Variants in CELF2 observed in about 807,000 individuals in gnomAD.
CELF2 encodes CUG triplet repeat RNA-binding protein 2.
Under a neutral mutation model 62.6 loss-of-function variants are expected in CELF2, and 8 were observed. The ratio of observed to expected loss-of-function variants is 0.13; its 90% CI spans 0.07 to 0.23. CELF2 has a LOEUF of 0.23. Ranked by LOEUF, CELF2 falls within the 10% of genes least tolerant of loss-of-function variation. CELF2 has a pLI of 1.00. For missense variants in CELF2, 333 were observed against 671.0 expected, an observed-to-expected ratio of 0.50 and a Z score of 5.56; for synonymous variants, 258 against 250.0, an observed-to-expected ratio of 1.03 and a Z score of -0.30.
At chr10:10,814,214 T>TAAAAAA (rs759524110) in intron 1 of CELF2, among the ~76,000 whole-genome samples, 618 of 44,420 alleles carry the variant, frequency 0.014, 72 homozygotes, top group Non-Finnish European at 0.017. Flanking sequence ...AGAAGAGTCC[T>TAAAAAA]AAAAAAAAAA....
At chr10:10,612,590 G>A in the CELF2 span, among the ~76,000 whole-genome samples, 2 of 152,214 alleles carry the variant, frequency 1.3e-5, no homozygotes, top group Admixed American at 1.3e-4. Context: ...CAGGGAGGTA[G>A]AAGGAAGTTG....
chr10:10,851,516 G>A (rs2132808494), intron 1 of CELF2, among the ~76,000 whole-genome samples: 1 of 152,274 alleles, frequency 6.6e-6, no homozygotes, highest in South Asian at 2.1e-4. Flanking sequence ...GAAAATGTTT[G>A]TGACCTTGTG....
the CELF2 span, among the ~76,000 whole-genome samples, chr10:10,779,879 C>A: frequency 1.3e-5 from 2 of 151,178 alleles, no homozygotes; most frequent in African/African-American, 4.9e-5. Flanking sequence ...AAACTTTAAA[C>A]TTTCTAGGTG....
Position 11,156,403 on chromosome 10 carries a change from C to T in CELF2, c.75-9083C>T, listed in dbSNP as rs1199865365. Among the ~76,000 whole-genome samples, 3 of 152,128 alleles carry T rather than the reference C, an allele frequency of 2.0e-5. No homozygotes were observed. The highest frequency in any genetic ancestry group is 4.8e-5 in the African/African-American group (2 of 41,424). On this transcript the variant is annotated intron_variant, in intron 1 of 12. Coordinates refer to ENST00000633077, the MANE Select transcript of CELF2 (RefSeq NM_001326342.2). This position sits in a 1 kb window ranked among gnomAD's most constrained non-coding sequence, Gnocchi z 4.3. ...GAGGATGTGCTGAGACCATCCTCAC[C>T]GTCCAGACGAGGCCTTCCCTGACCA...
At chr10:10,962,102 G>T (rs1214535602) in intron 2 of CELF2, among the ~76,000 whole-genome samples, 1 of 151,768 alleles carries the variant, frequency 6.6e-6, no homozygotes, top group Non-Finnish European at 1.5e-5. Context: ...AGGGAGGAGG[G>T]AGAGAAAGAA....
At chr10:11,095,247 A>G (rs939148410) in intron 1 of CELF2, among the ~76,000 whole-genome samples, 3 of 152,224 alleles carry the variant, frequency 2.0e-5, no homozygotes, top group East Asian at 1.9e-4. Flanking sequence ...AAGCATGCAC[A>G]TGTAACACAC....
At position 11,010,287 on chromosome 10, in the gene CELF2, C is replaced by A. The variant is rs201123; in HGVS notation, c.53+4847C>A. 0.24 allele frequency: 35,773 copies of A among 152,138 alleles called. 7,707 individuals carry two copies. The highest frequency in any genetic ancestry group is 0.58 in the African/African-American group (23,857 of 41,414). The allele number at this position is 152,138 out of a possible 1,614,324, so 9.4% of individuals were successfully genotyped here. ...ATTCCAAGCCTCAGGATGTTCGGTG[C>A]CTGCTCTCCAGAAACGATAACCTCC... is the stretch of plus-strand genomic sequence containing the variant. On this transcript the variant is annotated intron_variant, in intron 1 of 12. Coordinates refer to the CELF2 transcript ENST00000416382. This position sits in a 1 kb window ranked among gnomAD's most constrained non-coding sequence, Gnocchi z 4.1.
the CELF2 span, among the ~76,000 whole-genome samples, chr10:10,559,445 G>A: frequency 6.6e-6 from 1 of 152,188 alleles, no homozygotes; most frequent in Non-Finnish European, 1.5e-5. Flanking sequence ...GATGTAAAGT[G>A]CCTAGCACAG....
chr10:10,797,339 T>C (rs1262026110), upstream of CELF2, among the ~76,000 whole-genome samples: 1 of 151,788 alleles, frequency 6.6e-6, no homozygotes, highest in Non-Finnish European at 1.5e-5. Flanking sequence ...CTCTGGCTGG[T>C]GCAGGTATGT....
chr10:10,665,381 A>G, the CELF2 span, among the ~76,000 whole-genome samples: 2 of 152,218 alleles, frequency 1.3e-5, no homozygotes, highest in Non-Finnish European at 2.9e-5. Flanking sequence ...ATGTAAATGT[A>G]TCCATAAGTA....
Position 11,247,171 on chromosome 10 carries a change from G to A in CELF2, c.355-1982G>A, listed in dbSNP as rs944296407. ...GCCAAAATGGCTTTTCTAGAATTTC[G>A]ATCTTGTTTCCTTTGTTACTTCTTC... is the stretch of plus-strand genomic sequence containing the variant. On this transcript the variant is annotated intron_variant, in intron 3 of 12. Coordinates refer to ENST00000633077, the MANE Select transcript of CELF2 (RefSeq NM_001326342.2). The surrounding 1 kb of genome is among the most constrained non-coding windows in gnomAD (Gnocchi z 5.4). Among the ~76,000 whole-genome samples, 4 of 152,178 alleles carry A rather than the reference G, an allele frequency of 2.6e-5. No homozygotes were observed. Among genetic ancestry groups the A allele is most frequent in the East Asian group, 3.9e-4 (2 of 5,192 alleles).
intron 1 of CELF2, among the ~76,000 whole-genome samples, chr10:11,099,545 A>G (rs2050864036): frequency 6.6e-6 from 1 of 152,206 alleles, no homozygotes. Flanking sequence ...GGACTAGCTC[A>G]TGAGCATAGA....
In CELF2 at chr10:10,978,694, A is replaced by C. The variant is rs561049451; in HGVS notation, c.89+58695A>C. On this transcript the variant is annotated intron_variant, in intron 2 of 13. Transcript: ENST00000636488. ...AGTCATTAAGGAATGGATACGGAGA[A>C]GAATAAATTGGCAAGACTCAACCAC... 2.2e-3 allele frequency among the ~76,000 whole-genome samples: 337 copies of C among 152,362 alleles called. 2 individuals are homozygous for C. The highest frequency in any genetic ancestry group is 7.8e-3 in the African/African-American group (325 of 41,580).
intron 1 of CELF2, among the ~76,000 whole-genome samples, chr10:11,136,543 G>A (rs754826664): frequency 3.3e-5 from 5 of 152,218 alleles, no homozygotes; most frequent in Admixed American, 6.5e-5. Flanking sequence ...GGCGGAGGTT[G>A]CAGTGAGCTG....
At chr10:10,765,850 C>G in the CELF2 span, among the ~76,000 whole-genome samples, 1 of 152,170 alleles carries the variant, frequency 6.6e-6, no homozygotes, top group African/African-American at 2.4e-5. Context: ...TTCTCATCAT[C>G]ATCATTCAAC....
chr10:11,279,258 A>G (rs964317758), intron 8 of CELF2, among the ~76,000 whole-genome samples: 2 of 152,146 alleles, frequency 1.3e-5, no homozygotes, highest in African/African-American at 2.4e-5. Context: ...CCCTTCCAGA[A>G]TATCTGGTCT....
chr10:10,542,284 C>T, the CELF2 span, among the ~76,000 whole-genome samples: 2 of 152,254 alleles, frequency 1.3e-5, no homozygotes, highest in African/African-American at 4.8e-5. Context: ...AAAGGCCACA[C>T]AAACATTGAT....
rs562445310 is a variant in CELF2, at chr10:10,871,551, TGAG to T, written c.54-48408_54-48406del. ...CTGCAATCCCAGCACTTTGGGAGGC[TGAG>T]GAGGGCAGATCACGAGGTCTAGAGA... is the stretch of plus-strand genomic sequence containing the variant. On this transcript the variant is annotated intron_variant, in intron 1 of 13. Coordinates refer to the CELF2 transcript ENST00000636488. Among the ~76,000 whole-genome samples the T allele has an allele frequency of 3.3e-5, 5 of 151,808 alleles. No homozygotes were observed. In the South Asian group the frequency reaches 1.0e-3, roughly 31 times the overall value.
chr10:11,089,042 A>T (rs2047590117), intron 1 of CELF2, among the ~76,000 whole-genome samples: 1 of 152,194 alleles, frequency 6.6e-6, no homozygotes, highest in Non-Finnish European at 1.5e-5. Context: ...TAGAACCAGG[A>T]GAAAGCTGTA....
Sources: allele counts gnomAD v4.1 joint callset (sites outside exome capture counted in the v4.1 genomes callset), GRCh38; gene constraint gnomAD v4.1.1; non-coding constraint Gnocchi (gnomAD v3.1); transcripts MANE v1.5; gene names NCBI Gene and HGNC (gene_info 2026-07-23, HGNC 2026-07-21).